The following CMKLR1 variants were observed in gnomAD, a reference collection of about 807,000 sequenced individuals.
The protein encoded by CMKLR1 is chemerin-like receptor 1.
In CMKLR1, 6 loss-of-function variants were observed where a neutral mutation model predicts 8.2. The ratio of observed to expected loss-of-function variants is 0.73; its 90% CI spans 0.40 to 1.44. CMKLR1 has a LOEUF of 1.44. Among genes scored for constraint, CMKLR1 ranks in the 40% most tolerant of loss-of-function variants. CMKLR1 has a pLI of 0.02. For synonymous variants in CMKLR1, 178 were observed against 181.2 expected, an observed-to-expected ratio of 0.98 and a Z score of 0.14; for missense variants, 429 against 478.0, an observed-to-expected ratio of 0.90 and a Z score of 0.96.
At chr12:108,303,949 C>T (rs1370704371) in intron 2 of CMKLR1, among the ~76,000 whole-genome samples, 2 of 152,206 alleles carry the variant, frequency 1.3e-5, no homozygotes, top group African/African-American at 2.4e-5. Flanking sequence ...ATGCAGCACA[C>T]CGTGGGTGAG....
At chr12:108,328,828 A>C (rs971626348) in intron 2 of CMKLR1, among the ~76,000 whole-genome samples, 1 of 152,228 alleles carries the variant, frequency 6.6e-6, no homozygotes, top group African/African-American at 2.4e-5. Flanking sequence ...GCCTCTCTCC[A>C]GTAAAGACAT....
rs1566017907 is a variant in CMKLR1, at chr12:108,293,590, A to ATTC, written c.-2_1dup (p.Leu1_?0). ...GTTCAGACCACAAGACTTCCTCACC[A>ATTC]TTCACCGTTATGTTGTCTGCAGCTC... On this transcript the variant is annotated start_lost and splice_region_variant and start_retained_variant, in exon 3 of 4. Coordinates refer to ENST00000550402, the MANE Select transcript of CMKLR1 (RefSeq NM_001142343.2). The ATTC allele has an allele frequency of 6.5e-7, 1 of 1,549,422 alleles. No homozygotes were observed. Among genetic ancestry groups the ATTC allele is most frequent in the Admixed American group, 2.0e-5 (1 of 50,448 alleles).
chr12:108,303,125 C>T (rs1241855345), intron 2 of CMKLR1, among the ~76,000 whole-genome samples: 2 of 152,228 alleles, frequency 1.3e-5, no homozygotes. Context: ...GCCCTCAGAG[C>T]TCCACCCGTT....
chr12:108,298,355 T>G (rs1891187270), intron 2 of CMKLR1, among the ~76,000 whole-genome samples: 2 of 152,224 alleles, frequency 1.3e-5, no homozygotes, highest in African/African-American at 4.8e-5. Context: ...GGAGTGGTAC[T>G]GCTATCACTC....
chr12:108,320,332 G>T (rs943526494), intron 2 of CMKLR1, among the ~76,000 whole-genome samples: 1 of 152,120 alleles, frequency 6.6e-6, no homozygotes, highest in African/African-American at 2.4e-5. Context: ...ATGACTAGGG[G>T]ACGAAGCCCT....
intron 2 of CMKLR1, among the ~76,000 whole-genome samples, chr12:108,296,547 C>T (rs1891141067): frequency 6.6e-6 from 1 of 152,134 alleles, no homozygotes; most frequent in African/African-American, 2.4e-5. Context: ...ACACAGAGGC[C>T]AGGCACGGTG....
intron 1 of CMKLR1, among the ~76,000 whole-genome samples, chr12:108,334,272 C>G (rs1010535258): frequency 1.3e-5 from 2 of 152,236 alleles, no homozygotes; most frequent in African/African-American, 4.8e-5. Context: ...CCCCTGAGGG[C>G]CTCAAAGACA....
intron 2 of CMKLR1, among the ~76,000 whole-genome samples, chr12:108,305,740 G>A (rs370232075): frequency 6.6e-6 from 1 of 152,180 alleles, no homozygotes. Flanking sequence ...TTCCTCCCTG[G>A]TCCCACGCCC....
In CMKLR1 at chr12:108,304,972, G is replaced by T. The variant is rs186519253; in HGVS notation, c.-73-11308C>A. 5.9e-5 allele frequency among the ~76,000 whole-genome samples: 9 copies of T among 152,280 alleles called. No individual in the cohort carries two copies. The East Asian group carries it at 1.5e-3, about 26-fold the overall frequency. ...CTCGCTCTGCAAATGACCATGTTTGGCCTGGCTCCTGTCCCCATCTTCTCC... is the reference window on the plus strand; with the variant it reads ...CTCGCTCTGCAAATGACCATGTTTGTCCTGGCTCCTGTCCCCATCTTCTCC... On this transcript the variant is annotated intron_variant, in intron 2 of 3. Coordinates refer to ENST00000550402, the MANE Select transcript of CMKLR1 (RefSeq NM_001142343.2).
chr12:108,292,564 G>T lies in CMKLR1; in HGVS notation c.399C>A (p.Ile133=). 1 of 1,614,198 alleles carries T rather than the reference G, an allele frequency of 6.2e-7. No individual in the cohort carries two copies. Among genetic ancestry groups the T allele is most frequent in the Non-Finnish European group, 8.5e-7 (1 of 1,180,032 alleles). Residue 133 remains isoleucine, a synonymous_variant, in exon 4 of 4, where the codon ATC becomes ATA. Transcript: ENST00000550402. Reference sequence around the variant, plus strand: ...GCACAGAGATGCAGCGGTCAGAGCTGATGATGGTCAGCAGGAAGACGCTGG... The same window carrying T: ...GCACAGAGATGCAGCGGTCAGAGCTTATGATGGTCAGCAGGAAGACGCTGG... ...MFTSVFLLTI[I]SSDRCISVLL...
chr12:108,334,915 A>G (rs924611441), intron 1 of CMKLR1, among the ~76,000 whole-genome samples: 1 of 152,306 alleles, frequency 6.6e-6, no homozygotes. Context: ...CTATCAAACC[A>G]TTATTCTTAT....
At chr12:108,318,748 C>T (rs915366113) in intron 2 of CMKLR1, among the ~76,000 whole-genome samples, 2 of 152,148 alleles carry the variant, frequency 1.3e-5, no homozygotes, top group South Asian at 2.1e-4. Flanking sequence ...CCATAGCAGC[C>T]AGAGCCCAAG....
intron 2 of CMKLR1, among the ~76,000 whole-genome samples, chr12:108,325,510 G>A (rs945507901): frequency 2.0e-5 from 3 of 152,156 alleles, no homozygotes; most frequent in Non-Finnish European, 4.4e-5. Context: ...ATAGCTGGCT[G>A]TGGCAAATAC....
chr12:108,292,652 TG>T lies in CMKLR1; in HGVS notation c.310del (p.His104ThrfsTer27). On this transcript the variant is annotated frameshift_variant, in exon 4 of 4. Transcript: ENST00000550402. LOFTEE classifies it low-confidence loss of function (END_TRUNC). ...IHITYAAMDY[H>X]WVFGTAMCKI... Reference sequence around the variant, plus strand: ...GCACATGGCTGTCCCGAAAACCCAGTGGTAGTCCATGGCGGCATAGGTGATA... The same window carrying T: ...GCACATGGCTGTCCCGAAAACCCAGTGTAGTCCATGGCGGCATAGGTGATA... The T allele has an allele frequency of 5.6e-6, 9 of 1,614,106 alleles. No individual in the cohort carries two copies. Among genetic ancestry groups the T allele is most frequent in the Non-Finnish European group, 6.8e-6 (8 of 1,180,024 alleles).
chr12:108,327,705 G>A (rs765641097), intron 2 of CMKLR1, among the ~76,000 whole-genome samples: 5 of 152,182 alleles, frequency 3.3e-5, no homozygotes, highest in African/African-American at 7.2e-5. Context: ...TCTTGGAGGC[G>A]GGAAGCAGGA....
Position 108,291,935 on chromosome 12 carries a change from C to A in CMKLR1, c.1028G>T (p.Gly343Val), listed in dbSNP as rs777870525. The A allele has an allele frequency of 1.2e-6, 2 of 1,614,126 alleles. No individual in the cohort carries two copies. Among genetic ancestry groups the A allele is most frequent in the Non-Finnish European group, 1.7e-6 (2 of 1,180,012 alleles). ...RLVNALSEDTGHSSYPSHRSF... is the reference protein window; with the variant it reads ...RLVNALSEDTVHSSYPSHRSF... ...TCTATGGCTGGGGTAGGAAGAGTGG[C>A]CTGTATCTTCACTTAGAGCATTGAC... Residue 343 changes from glycine (G) to valine (V), a missense_variant, in exon 4 of 4, where the codon GGC becomes GTC. By Grantham distance (109) the Gly-to-Val change is moderately radical. Coordinates refer to ENST00000550402, the MANE Select transcript of CMKLR1 (RefSeq NM_001142343.2).
At chr12:108,321,639 A>G (rs560168790) in intron 2 of CMKLR1, among the ~76,000 whole-genome samples, 4 of 152,180 alleles carry the variant, frequency 2.6e-5, no homozygotes, top group South Asian at 2.1e-4. Flanking sequence ...GGGAAACCCA[A>G]TCTGAGACAG....
chr12:108,296,202 T>C (rs758386769), intron 2 of CMKLR1, among the ~76,000 whole-genome samples: 3 of 152,134 alleles, frequency 2.0e-5, no homozygotes, highest in Non-Finnish European at 4.4e-5. Flanking sequence ...TGCATCCACA[T>C]CCTGGATCTG....
intron 2 of CMKLR1, among the ~76,000 whole-genome samples, chr12:108,298,590 G>A (rs1034977781): frequency 6.6e-6 from 1 of 152,158 alleles, no homozygotes; most frequent in Non-Finnish European, 1.5e-5. Flanking sequence ...AGCCCCTCAG[G>A]GAATTTACCC....
Sources: gnomAD v4.1 joint callset for allele counts (sites outside exome capture counted in the v4.1 genomes callset) on GRCh38, gnomAD v4.1.1 for gene constraint, MANE v1.5 for transcripts, NCBI Gene and HGNC (gene_info 2026-07-23, HGNC 2026-07-21) for gene names.